HS3ST4: variants seen among roughly 807,000 people sequenced by gnomAD.
HS3ST4 encodes heparan sulfate glucosamine 3-O-sulfotransferase 4.
In HS3ST4, 17 loss-of-function variants were observed where a neutral mutation model predicts 29.2. That is an observed-to-expected ratio of 0.58 (90% CI 0.40 to 0.87). The LOEUF is 0.87. Ranked by LOEUF, HS3ST4 falls within the 40% of genes least tolerant of loss-of-function variation. The pLI, the probability that HS3ST4 is intolerant of heterozygous loss-of-function variation, is 0.00. For missense variants in HS3ST4, 627 were observed against 634.5 expected (o/e 0.99, Z 0.13); for synonymous variants, 314 against 285.7 (o/e 1.10, Z -1.00).
At chr16:26,111,740 C>G (rs1196297961) in intron 1 of HS3ST4, among the ~76,000 whole-genome samples, 1 of 152,088 alleles carries the variant, frequency 6.6e-6, no homozygotes, top group Non-Finnish European at 1.5e-5. Flanking sequence ...TCTTTTGGGT[C>G]AGGTGCAGTG....
intron 1 of HS3ST4, among the ~76,000 whole-genome samples, chr16:25,894,966 T>C (rs1968045189): frequency 6.6e-6 from 1 of 152,166 alleles, no homozygotes; most frequent in Non-Finnish European, 1.5e-5. Flanking sequence ...ACAATAGTGA[T>C]GGGGAGATGA....
In HS3ST4 at chr16:26,017,376, A is replaced by T. The variant is rs977183862; in HGVS notation, c.735-118236A>T. On this transcript the variant is annotated intron_variant, in intron 1 of 1. Transcript: ENST00000331351. ...GATTAACTTGGAGCTCTAGGGGAAA[A>T]GTTGGAAAATGCGACATTAGGAGTG... 2.0e-5 allele frequency among the ~76,000 whole-genome samples: 3 copies of T among 152,194 alleles called. 1 individual carries two copies. In the South Asian group the frequency reaches 6.2e-4, roughly 31 times the overall value.
At chr16:25,947,547 TA>T (rs1968640329) in intron 1 of HS3ST4, among the ~76,000 whole-genome samples, 1 of 137,296 alleles carries the variant, frequency 7.3e-6, no homozygotes, top group South Asian at 2.4e-4. Flanking sequence ...GGTCATGCTT[TA>T]TTTTTTTTTA....
chr16:25,943,858 C>T (rs542657229), intron 1 of HS3ST4, among the ~76,000 whole-genome samples: 3 of 152,270 alleles, frequency 2.0e-5, no homozygotes, highest in South Asian at 4.1e-4. Context: ...GTTTCTGCTT[C>T]GTGGCTTGTT....
intron 1 of HS3ST4, among the ~76,000 whole-genome samples, chr16:26,005,280 T>C (rs1418293061): frequency 6.6e-6 from 1 of 152,098 alleles, no homozygotes; most frequent in Admixed American, 6.5e-5. Flanking sequence ...AAAACGAAGG[T>C]GACTTTGTTT....
At chr16:25,726,382 G>A (rs1442338294) in intron 1 of HS3ST4, among the ~76,000 whole-genome samples, 1 of 152,036 alleles carries the variant, frequency 6.6e-6, no homozygotes, top group Admixed American at 6.6e-5. Context: ...AGTTGAACAT[G>A]TAAATTGCTT....
intron 1 of HS3ST4, among the ~76,000 whole-genome samples, chr16:25,877,879 C>T (rs771264904): frequency 2.0e-5 from 3 of 152,300 alleles, no homozygotes; most frequent in Non-Finnish European, 4.4e-5. Context: ...ATTTACTGTG[C>T]GCTAAGCACT....
In HS3ST4 at chr16:25,978,393, TC is replaced by T. The variant is rs748478748; in HGVS notation, c.735-157217del. Among the ~76,000 whole-genome samples the T allele has an allele frequency of 4.7e-4, 72 of 152,256 alleles. 1 individual carries two copies. The highest frequency in any genetic ancestry group is 1.8e-3 in the Admixed American group (27 of 15,294). On this transcript the variant is annotated intron_variant, in intron 1 of 1. Transcript: ENST00000331351. ...TCTCTGTTGTAACTACTCAGCTCTG[TC>T]CTTGAAGTGGAAAATAGCCATAGAC...
intron 1 of HS3ST4, among the ~76,000 whole-genome samples, chr16:25,880,514 C>T (rs1268189107): frequency 6.6e-6 from 1 of 152,146 alleles, no homozygotes; most frequent in African/African-American, 2.4e-5. Flanking sequence ...ACTTTCCTCC[C>T]AGCACACTGA....
intron 1 of HS3ST4, among the ~76,000 whole-genome samples, chr16:26,044,088 A>G (rs761403874): frequency 6.6e-6 from 1 of 152,214 alleles, no homozygotes; most frequent in Non-Finnish European, 1.5e-5. Context: ...TGGAATCCCA[A>G]CCCAGGCTGT....
At chr16:25,769,874 C>G (rs940777833) in intron 1 of HS3ST4, among the ~76,000 whole-genome samples, 5 of 152,170 alleles carry the variant, frequency 3.3e-5, no homozygotes, top group Non-Finnish European at 7.3e-5. Flanking sequence ...GGGGAGACAA[C>G]AAGAAGCAAA....
intron 1 of HS3ST4, among the ~76,000 whole-genome samples, chr16:25,942,836 G>A (rs1439183232): frequency 6.6e-6 from 1 of 151,972 alleles, no homozygotes; most frequent in African/African-American, 2.4e-5. Flanking sequence ...TGCCCAGGCT[G>A]GTCTTGAACT....
chr16:25,813,983 A>G (rs1481389736), intron 1 of HS3ST4, among the ~76,000 whole-genome samples: 1 of 152,232 alleles, frequency 6.6e-6, no homozygotes, highest in East Asian at 1.9e-4. Context: ...AGAAAACATT[A>G]TGTTGAGCAA....
intron 1 of HS3ST4, among the ~76,000 whole-genome samples, chr16:26,006,946 C>T (rs1969264281): frequency 6.6e-6 from 1 of 152,206 alleles, no homozygotes; most frequent in Non-Finnish European, 1.5e-5. Flanking sequence ...GGCCCAAGCC[C>T]AGAAATGCCT....
chr16:26,042,354 CTG>C (rs71732983), intron 1 of HS3ST4, among the ~76,000 whole-genome samples: 6,099 of 147,908 alleles, frequency 0.041, 130 homozygotes, highest in Middle Eastern at 0.15. Flanking sequence ...GCATTTATCT[CTG>C]TGTGTGTGTG....
chr16:25,692,301 GGGCAGCGGCGGCGGCGGCGGCGGCGGC>G lies in HS3ST4; in HGVS notation c.-113_-87del, dbSNP rs1341763250. ...GTCGCTTCATGCAGCCGGGGCGGCT[GGGCAGCGGCGGCGGCGGCGGCGGCGGC>G]GGCGGCGGCGGGGGCGGCGGCTGAA... On this transcript the variant is annotated 5_prime_UTR_variant, in exon 1 of 2. Transcript: ENST00000331351. The G allele has an allele frequency of 6.9e-6, 1 of 144,048 alleles. No individual in the cohort carries two copies. The highest frequency in any genetic ancestry group is 1.4e-5 in the Non-Finnish European group (1 of 72,122). The allele number at this position is 144,048 out of a possible 1,614,324, so 8.9% of individuals were successfully genotyped here.
intron 1 of HS3ST4, among the ~76,000 whole-genome samples, chr16:25,728,578 G>A (rs944081793): frequency 6.6e-6 from 1 of 152,164 alleles, no homozygotes; most frequent in Non-Finnish European, 1.5e-5. Flanking sequence ...GAGACTGTAG[G>A]TAAGGAAAGT....
At chr16:25,710,216 A>G (rs2141584505) in intron 1 of HS3ST4, among the ~76,000 whole-genome samples, 1 of 152,338 alleles carries the variant, frequency 6.6e-6, no homozygotes. Context: ...TTAAAAATAT[A>G]TGTATATCTG....
intron 1 of HS3ST4, among the ~76,000 whole-genome samples, chr16:25,739,562 T>C (rs909375003): frequency 2.6e-5 from 4 of 152,204 alleles, no homozygotes; most frequent in Admixed American, 2.6e-4. Context: ...GTTAGCTGGC[T>C]GTCATCATGA....
Sources: gnomAD v4.1 joint callset for allele counts (sites outside exome capture counted in the v4.1 genomes callset) on GRCh38, gnomAD v4.1.1 for gene constraint, MANE v1.5 for transcripts, NCBI Gene and HGNC (gene_info 2026-07-23, HGNC 2026-07-21) for gene names.